Variants in CFAP54 observed in about 807,000 individuals in gnomAD.
CFAP54 encodes the protein cilia- and flagella-associated protein 54.
CFAP54 carries 290 observed loss-of-function variants against 370.4 expected under a neutral mutation model. The ratio of observed to expected loss-of-function variants is 0.78; its 90% confidence interval spans 0.71 to 0.86. The LOEUF (loss-of-function observed/expected upper bound fraction) is 0.86, where lower values mean the gene tolerates loss of function less well. Among genes scored for constraint, CFAP54 ranks in the 40% least tolerant of loss-of-function variants. CFAP54 has a pLI of 0.00. For synonymous variants in CFAP54, 1,206 were observed against 1,236.5 expected (o/e 0.98, Z 0.52); for missense variants, 3,399 against 3,528.7 (o/e 0.96, Z 0.93).
At chr12:96,505,337 C>G (rs1182349451) in intron 3 of CFAP54, among the ~76,000 whole-genome samples, 1 of 151,982 alleles carries the variant, frequency 6.6e-6, no homozygotes, top group East Asian at 1.9e-4. Context: ...GCTGGGATTA[C>G]AGGTGTGAGC....
chr12:96,588,865 C>T (rs1229140816), intron 22 of CFAP54, among the ~76,000 whole-genome samples: 1 of 152,044 alleles, frequency 6.6e-6, no homozygotes, highest in Non-Finnish European at 1.5e-5. Flanking sequence ...ATTTATTTTG[C>T]CTAATGTTAA....
chr12:96,786,002 C>T (rs1958625194), intron 61 of CFAP54, among the ~76,000 whole-genome samples: 1 of 152,056 alleles, frequency 6.6e-6, no homozygotes, highest in Non-Finnish European at 1.5e-5. Context: ...TTTTTGTTTT[C>T]TCTGTCACAC....
intron 67 of CFAP54, among the ~76,000 whole-genome samples, chr12:96,869,765 G>T (rs1473254460): frequency 6.6e-6 from 1 of 151,516 alleles, no homozygotes; most frequent in Non-Finnish European, 1.5e-5. Flanking sequence ...GCGAAACCCT[G>T]TCTCTACTAA....
chr12:96,827,941 T>C (rs1959140955), intron 65 of CFAP54, among the ~76,000 whole-genome samples: 1 of 108,668 alleles, frequency 9.2e-6, no homozygotes, highest in Non-Finnish European at 1.7e-5. Flanking sequence ...TATAGTTATA[T>C]ATAATATATA....
At chr12:96,575,640 A>G (rs368501123) in intron 19 of CFAP54, among the ~76,000 whole-genome samples, 3 of 152,116 alleles carry the variant, frequency 2.0e-5, no homozygotes, top group South Asian at 4.1e-4. Flanking sequence ...TGAATCTTCC[A>G]AACACCATTG....
At chr12:96,573,546 G>T (rs1409643198) in intron 19 of CFAP54, among the ~76,000 whole-genome samples, 1 of 152,178 alleles carries the variant, frequency 6.6e-6, no homozygotes, top group African/African-American at 2.4e-5. Flanking sequence ...CCAGCCCTGT[G>T]CTGATTGTGT....
intron 66 of CFAP54, among the ~76,000 whole-genome samples, chr12:96,843,792 C>G (rs61938374): frequency 6.6e-6 from 1 of 152,136 alleles, no homozygotes; most frequent in Non-Finnish European, 1.5e-5. Flanking sequence ...ACATAAATTC[C>G]TTTTACTCTG....
At chr12:96,500,760 A>T in intron 1 of CFAP54, 74 bp from the exon 2 acceptor site, 1 of 1,028,448 alleles carries the variant, frequency 9.7e-7, no homozygotes, top group Admixed American at 2.5e-5. Context: ...GGTAAGTTTT[A>T]AAGGATTGCT....
intron 3 of CFAP54, among the ~76,000 whole-genome samples, chr12:96,506,481 T>C (rs1955102112): frequency 6.6e-6 from 1 of 151,914 alleles, no homozygotes; most frequent in Non-Finnish European, 1.5e-5. Flanking sequence ...TTTACACTAA[T>C]CTATTAAATT....
intron 55 of CFAP54, among the ~76,000 whole-genome samples, chr12:96,746,812 C>G (rs1007435765): frequency 2.6e-5 from 4 of 152,118 alleles, no homozygotes; most frequent in Admixed American, 6.6e-5. Context: ...CCCCTGAAAT[C>G]CCATTCCTAC....
chr12:96,581,078 T>C lies in CFAP54; in HGVS notation c.3048T>C (p.Thr1016=). 1 of 1,519,258 alleles carries C rather than the reference T, an allele frequency of 6.6e-7. No homozygotes were observed. 94.1% of individuals were successfully genotyped at this position (1,519,258 alleles called of 1,614,324 possible). A position where few individuals can be genotyped will look rare whatever the true frequency, so the allele number is the denominator to read the frequency against. ...TTCTGGTTTATCCCCCTCTTTCTAC[T>C]ATTACTGCTCGGATGTTCCTGACAC... The part of the protein sequence containing the change: ...KPILVYPPLS[T]ITARMFLTQV... Residue 1016 remains threonine, a synonymous_variant, in exon 22 of 68, where the codon ACT becomes ACC. Coordinates refer to ENST00000524981, the MANE Select transcript of CFAP54 (RefSeq NM_001306084.2).
chr12:96,636,005 G>A (rs1469966076), intron 32 of CFAP54, among the ~76,000 whole-genome samples: 1 of 152,106 alleles, frequency 6.6e-6, no homozygotes. Context: ...AGGTGGGAGG[G>A]GTGGGGCTGA....
intron 50 of CFAP54, among the ~76,000 whole-genome samples, chr12:96,726,236 G>C (rs1322716528): frequency 6.6e-6 from 1 of 151,672 alleles, no homozygotes; most frequent in African/African-American, 2.4e-5. Context: ...GATTGGAATA[G>C]TTTCAGAAGG....
intron 66 of CFAP54, among the ~76,000 whole-genome samples, chr12:96,859,165 CT>C (rs575753365): frequency 1.2e-3 from 190 of 152,254 alleles, no homozygotes; most frequent in African/African-American, 4.1e-3. Flanking sequence ...AAAAGGCTTC[CT>C]CTTCAATAAA....
intron 66 of CFAP54, among the ~76,000 whole-genome samples, chr12:96,859,450 G>A (rs934006550): frequency 2.0e-5 from 3 of 151,954 alleles, no homozygotes; most frequent in Non-Finnish European, 2.9e-5. Context: ...GTTTCACCCG[G>A]GCTGGAGAGC....
chr12:96,551,482 GGTATGTGTGTGTGTGT>G (rs1955693505), intron 15 of CFAP54, among the ~76,000 whole-genome samples: 1 of 98,338 alleles, frequency 1.0e-5, no homozygotes, highest in African/African-American at 4.0e-5. Flanking sequence ...TTCTTGAATG[GGTATGTGTGTGTGTGT>G]GTGTGTGTGT....
intron 45 of CFAP54, among the ~76,000 whole-genome samples, chr12:96,695,418 T>G (rs1957431700): frequency 6.6e-6 from 1 of 152,246 alleles, no homozygotes; most frequent in Non-Finnish European, 1.5e-5. Context: ...AGAATTCTAG[T>G]GCTGATTATT....
intron 1 of CFAP54, among the ~76,000 whole-genome samples, chr12:96,495,583 A>T (rs1954943238): frequency 6.6e-6 from 1 of 151,678 alleles, no homozygotes; most frequent in Non-Finnish European, 1.5e-5. Flanking sequence ...GGCCTCCCAA[A>T]GTGCTGGGAT....
At chr12:96,546,933 TTTAAG>T (rs1955646873) in intron 14 of CFAP54, among the ~76,000 whole-genome samples, 6 of 152,156 alleles carry the variant, frequency 3.9e-5, no homozygotes, top group Non-Finnish European at 8.8e-5. Context: ...CTAAATAAAA[TTTAAG>T]TTATTGATTG....
Sources: allele counts gnomAD v4.1 joint callset (sites outside exome capture counted in the v4.1 genomes callset), GRCh38; gene constraint gnomAD v4.1.1; transcripts MANE v1.5; gene names NCBI Gene and HGNC (gene_info 2026-07-23, HGNC 2026-07-21).